Variants in LGR6 observed in about 807,000 individuals in gnomAD.
LGR6 encodes the protein leucine rich repeat containing G protein-coupled receptor 6.
LGR6 carries 45 observed loss-of-function variants against 69.4 expected under a neutral mutation model. The ratio of observed to expected loss-of-function variants is 0.65; its 90% CI spans 0.51 to 0.83. The LOEUF is 0.83. Among genes scored for constraint, LGR6 ranks in the 40% least tolerant of loss-of-function variants. The pLI is 0.00. For missense variants in LGR6, 1,108 were observed against 1,246.7 expected (o/e 0.89, Z 1.68); for synonymous variants, 538 against 555.0 (o/e 0.97, Z 0.43).
Position 202,303,344 on chromosome 1 carries a change from T to G in LGR6, c.995T>G (p.Ile332Ser). The stretch of plus-strand genomic sequence containing the variant: ...CTCAAAGGCACCACCAGCCTGGAGA[T>G]CCTGTGAGTGGCTTCTCTCTCCCTA... ...PDLKGTTSLE[I>S]LTLTRAGIRL... Residue 332 changes from isoleucine (I) to serine (S), a missense_variant, in exon 10 of 18, where the codon ATC becomes AGC. By Grantham distance (142) the Ile-to-Ser change is moderately radical. Transcript: ENST00000367278. 1.9e-6 allele frequency: 3 copies of G among 1,612,938 alleles called. No homozygotes were observed. Among genetic ancestry groups the G allele is most frequent in the Non-Finnish European group, 2.5e-6 (3 of 1,178,888 alleles).
chr1:202,270,429 A>T (rs1036714119), intron 4 of LGR6, among the ~76,000 whole-genome samples: 13 of 151,528 alleles, frequency 8.6e-5, no homozygotes, highest in African/African-American at 3.2e-4. Context: ...TTTAGTAGAG[A>T]TGGGGTTTCC....
rs1040173950 is a variant in LGR6, at chr1:202,206,534, G to A, written c.212+12333G>A. ...TGCTGTTGCCATGTTATTTTTTTCG[G>A]TTGTGTGTGTGTGTTATTTTATTTT... On this transcript the variant is annotated intron_variant, in intron 1 of 17. Transcript: ENST00000367278. Among the ~76,000 whole-genome samples the A allele has an allele frequency of 2.6e-5, 4 of 152,216 alleles. No homozygotes were observed. The South Asian group carries it at 8.3e-4, about 32-fold the overall frequency.
chr1:202,238,472 G>A (rs1239051645), intron 4 of LGR6, among the ~76,000 whole-genome samples: 1 of 145,664 alleles, frequency 6.9e-6, no homozygotes, highest in Non-Finnish European at 1.5e-5. Context: ...CGCCCAGGCT[G>A]GAGTGCAGTG....
At chr1:202,250,603 A>G (rs1008142325) in intron 4 of LGR6, among the ~76,000 whole-genome samples, 5 of 151,854 alleles carry the variant, frequency 3.3e-5, no homozygotes, top group Admixed American at 3.3e-4. Context: ...ATGGGGTTTC[A>G]TCATGTTGGT....
intron 17 of LGR6, among the ~76,000 whole-genome samples, chr1:202,317,284 T>C (rs1654214867): frequency 6.6e-6 from 1 of 152,186 alleles, no homozygotes; most frequent in South Asian, 2.1e-4. Flanking sequence ...CACTTAACAT[T>C]TCCTCAATAT....
At chr1:202,284,426 G>T (rs180826707) in intron 6 of LGR6, among the ~76,000 whole-genome samples, 4 of 152,328 alleles carry the variant, frequency 2.6e-5, no homozygotes, top group Non-Finnish European at 2.9e-5. Context: ...GTATTTGGGG[G>T]TGAGTTGCCC....
chr1:202,214,147 G>A, intron 1 of LGR6: 1 of 1,496,600 alleles, frequency 6.7e-7, no homozygotes. Flanking sequence ...GAGGTCCCAG[G>A]GGCCGGAATG....
intron 4 of LGR6, among the ~76,000 whole-genome samples, chr1:202,254,834 G>A (rs778435302): frequency 6.6e-6 from 1 of 151,166 alleles, no homozygotes; most frequent in Non-Finnish European, 1.5e-5. Context: ...GAGGCGGGAG[G>A]ATCTCTTGAA....
intron 4 of LGR6, among the ~76,000 whole-genome samples, chr1:202,257,931 C>T (rs1022110884): frequency 2.0e-5 from 3 of 152,036 alleles, no homozygotes; most frequent in African/African-American, 4.8e-5. Context: ...ATATTGTCTT[C>T]CAATCCATGA....
chr1:202,318,258 G>C lies in LGR6; in HGVS notation c.1955G>C (p.Gly652Ala). ...CRATGFLAVL[G>A]SEASVLLLTL... ...GCCACTGGCTTCCTGGCAGTACTTG[G>C]GTCGGAGGCATCGGTGCTGCTGCTC... The change falls in exon 18 of 18, where the codon GGG becomes GCG. Residue 652 changes from glycine to alanine, a missense_variant. Gly to Ala is a moderately conservative substitution (Grantham distance 60, BLOSUM62 0). Coordinates refer to ENST00000367278, the MANE Select transcript of LGR6 (RefSeq NM_001017403.2). 2 of 1,610,106 alleles carry C rather than the reference G, an allele frequency of 1.2e-6. No individual in the cohort carries two copies. The highest frequency in any genetic ancestry group is 1.7e-6 in the Non-Finnish European group (2 of 1,178,094).
chr1:202,236,183 A>G (rs1251581708), intron 4 of LGR6, 190 bp downstream of exon 4: 22 of 607,182 alleles, frequency 3.6e-5, no homozygotes, highest in Non-Finnish European at 5.9e-5. Context: ...GTGGCTGTGT[A>G]CACTCCTATG....
At chr1:202,271,577 C>T (rs943353616) in intron 4 of LGR6, among the ~76,000 whole-genome samples, 4 of 151,890 alleles carry the variant, frequency 2.6e-5, no homozygotes, top group Non-Finnish European at 4.4e-5. Flanking sequence ...GAGGCTGAGG[C>T]GGGTGGATCA....
chr1:202,301,440 G>A (rs570001486), intron 9 of LGR6, among the ~76,000 whole-genome samples: 2 of 152,190 alleles, frequency 1.3e-5, no homozygotes, highest in African/African-American at 4.8e-5. Context: ...CCACCTCCCT[G>A]AACTGTGGCT....
chr1:202,304,671 C>T (rs1667853141), intron 11 of LGR6, 41 bp downstream of exon 11: 1 of 1,518,198 alleles, frequency 6.6e-7, no homozygotes, highest in Non-Finnish European at 9.1e-7. Context: ...GCATTGTGCC[C>T]CTACCCCCAT....
At chr1:202,250,273 C>T (rs1054662098) in intron 4 of LGR6, among the ~76,000 whole-genome samples, 9 of 152,174 alleles carry the variant, frequency 5.9e-5, no homozygotes, top group Non-Finnish European at 1.0e-4. Flanking sequence ...TGCTGCACTC[C>T]CAGAACAGCC....
chr1:202,270,893 C>G (rs1386482643), intron 4 of LGR6, among the ~76,000 whole-genome samples: 1 of 152,154 alleles, frequency 6.6e-6, no homozygotes, highest in Non-Finnish European at 1.5e-5. Flanking sequence ...TCCTTCCCTC[C>G]CTGCTTCAGC....
In LGR6 at chr1:202,268,748, GA is replaced by G. The variant is rs1408311260; in HGVS notation, c.429-7555del. Among the ~76,000 whole-genome samples, 1 of 152,206 alleles carries G rather than the reference GA, an allele frequency of 6.6e-6. No individual in the cohort carries two copies. The highest frequency in any genetic ancestry group is 1.5e-5 in the Non-Finnish European group (1 of 68,042). ...TTCTTCCTCTCAAACGCAGAGTTAG[GA>G]AATGAGAACAGGAGCAGGCCTAGCC... is the stretch of plus-strand genomic sequence containing the variant. On this transcript the variant is annotated intron_variant, in intron 4 of 17. Transcript: ENST00000367278. The surrounding 1 kb of genome is among the most constrained non-coding windows in gnomAD (Gnocchi z 4.4).
rs765476949 is a variant in LGR6, at chr1:202,197,459, G to A, written c.212+3258G>A. The A allele has an allele frequency of 1.5e-5, 8 of 533,230 alleles. No individual in the cohort carries two copies. In the East Asian group the frequency reaches 4.4e-4, roughly 29 times the overall value. The allele number at this position is 533,230 out of a possible 1,614,324, so 33.0% of individuals were successfully genotyped here. ...CCTCTTAAACTATAGTCTCAGCGAG[G>A]CTCATTGACACTCACCGGGGTTTTG... On this transcript the variant is annotated intron_variant, in intron 1 of 17. Coordinates refer to ENST00000367278, the MANE Select transcript of LGR6 (RefSeq NM_001017403.2).
intron 4 of LGR6, among the ~76,000 whole-genome samples, chr1:202,269,044 A>G (rs1365866724): frequency 6.6e-6 from 1 of 152,134 alleles, no homozygotes; most frequent in Non-Finnish European, 1.5e-5. Context: ...AGCTGGGACT[A>G]CTGGAGCGTG....
Sources: allele counts gnomAD v4.1 joint callset (sites outside exome capture counted in the v4.1 genomes callset), GRCh38; gene constraint gnomAD v4.1.1; non-coding constraint Gnocchi (gnomAD v3.1); transcripts MANE v1.5; gene names NCBI Gene and HGNC (gene_info 2026-07-23, HGNC 2026-07-21).